The following FMNL2 variants were observed in gnomAD, a reference collection of about 807,000 sequenced individuals.
FMNL2 encodes the protein formin-like protein 2.
In FMNL2, 51 loss-of-function variants were observed where a neutral mutation model predicts 130.2. The observed-to-expected ratio is 0.39, with a 90% CI of 0.31 to 0.49. FMNL2 has a LOEUF of 0.49. Ranked by LOEUF, FMNL2 falls within the 20% of genes least tolerant of loss-of-function variation. The probability of loss-of-function intolerance (pLI) is 0.85; values close to 1 mark genes in which losing one functional copy is unlikely to be tolerated. For synonymous variants in FMNL2, 465 were observed against 467.1 expected (o/e 1.00, Z 0.06); for missense variants, 977 against 1,316.2 (o/e 0.74, Z 3.99).
chr2:152,503,253 T>G (rs1400961621), intron 1 of FMNL2, among the ~76,000 whole-genome samples: 9 of 151,556 alleles, frequency 5.9e-5, no homozygotes. Context: ...AGGAGTGGAG[T>G]GGAGGTCAGT....
chr2:152,375,877 C>CTCTCTATATATATA lies in FMNL2; in HGVS notation c.117+40158_117+40159insCTCTATATATATAT, dbSNP rs796954245. ...TCTCTCTCTCTCTCTCTCTCTCTCTCTATATATATATATATATATAATTAT... is the reference window on the plus strand; with the variant it reads ...TCTCTCTCTCTCTCTCTCTCTCTCTCTCTCTATATATATATATATATATATATATATATAATTAT... On this transcript the variant is annotated intron_variant, in intron 1 of 25. Coordinates refer to ENST00000288670, the MANE Select transcript of FMNL2 (RefSeq NM_052905.4). 2.4e-3 allele frequency among the ~76,000 whole-genome samples: 273 copies of CTCTCTATATATATA among 112,408 alleles called. 6 individuals carry two copies. Among genetic ancestry groups the CTCTCTATATATATA allele is most frequent in the Admixed American group, 0.022 (211 of 9,744 alleles). The allele number at this position is 112,408 out of a possible 152,430, so 73.7% of individuals were successfully genotyped here.
intron 1 of FMNL2, among the ~76,000 whole-genome samples, chr2:152,408,689 C>G (rs1459824353): frequency 1.3e-5 from 2 of 152,090 alleles, no homozygotes; most frequent in Admixed American, 6.5e-5. Context: ...CCTAGACTAC[C>G]TTAAACATGC....
chr2:152,598,473 G>T (rs1403636716), intron 9 of FMNL2, among the ~76,000 whole-genome samples: 1 of 152,150 alleles, frequency 6.6e-6, no homozygotes, highest in African/African-American at 2.4e-5. Flanking sequence ...TGGATCACTT[G>T]AGGCCAGGAG....
At chr2:152,363,938 A>G (rs6433990) in intron 1 of FMNL2, among the ~76,000 whole-genome samples, 101,394 of 151,986 alleles carry the variant, frequency 0.67, 35,949 homozygotes, top group Admixed American at 0.8. Context: ...TTGCTATAGC[A>G]GACCCCAAAT....
In FMNL2 at chr2:152,538,238, G is replaced by A. The variant is rs371523805; in HGVS notation, c.202-4501G>A. The stretch of plus-strand genomic sequence containing the variant: ...ACCAGTTCAGGGAAGAGGAAGAGGA[G>A]GATTAAAATTCATTATCTGGAATAT... On this transcript the variant is annotated intron_variant, in intron 2 of 25. Transcript: ENST00000288670. 1.8e-4 allele frequency among the ~76,000 whole-genome samples: 27 copies of A among 151,778 alleles called. No individual in the cohort carries two copies. In the South Asian group the frequency reaches 5.6e-3, roughly 32 times the overall value.
At chr2:152,573,032 T>C (rs1301200856) in intron 6 of FMNL2, among the ~76,000 whole-genome samples, 1 of 152,162 alleles carries the variant, frequency 6.6e-6, no homozygotes, top group Non-Finnish European at 1.5e-5. Context: ...TTTCTCAGGG[T>C]GCATTTATTT....
At position 152,477,521 on chromosome 2, in the gene FMNL2, T is replaced by A. The variant is rs201300448; in HGVS notation, c.118-44422T>A. Among the ~76,000 whole-genome samples, 6 of 152,310 alleles carry A rather than the reference T, an allele frequency of 3.9e-5. No individual in the cohort carries two copies. The East Asian group carries it at 1.2e-3, about 29-fold the overall frequency. ...GATTTCCTGTCAGCTCTGATTGCTG[T>A]AGATCCTGGATGATGACAAATTGGT... On this transcript the variant is annotated intron_variant, in intron 1 of 25. Transcript: ENST00000288670.
chr2:152,500,732 T>C (rs1046014663), intron 1 of FMNL2, among the ~76,000 whole-genome samples: 3 of 152,026 alleles, frequency 2.0e-5, no homozygotes, highest in African/African-American at 4.8e-5. Flanking sequence ...CCTGTAATTC[T>C]AGCTACTCGG....
intron 1 of FMNL2, among the ~76,000 whole-genome samples, chr2:152,345,465 A>G (rs1682063293): frequency 6.6e-6 from 1 of 152,254 alleles, no homozygotes; most frequent in Non-Finnish European, 1.5e-5. Context: ...AGTTTTGCCC[A>G]GTGAGTTCAG....
chr2:152,431,729 G>A (rs147433803), intron 1 of FMNL2, among the ~76,000 whole-genome samples: 4 of 152,224 alleles, frequency 2.6e-5, no homozygotes, highest in African/African-American at 7.2e-5. Context: ...ACTTTGGGAG[G>A]CTGAGGCAGG....
At chr2:152,467,820 A>C (rs1203674207) in intron 1 of FMNL2, among the ~76,000 whole-genome samples, 5 of 152,292 alleles carry the variant, frequency 3.3e-5, no homozygotes, top group Middle Eastern at 3.4e-3. Context: ...ACATTTGTTT[A>C]TTGAGTTCTT....
At chr2:152,599,487 A>G (rs1697944078) in intron 9 of FMNL2, among the ~76,000 whole-genome samples, 1 of 125,598 alleles carries the variant, frequency 8.0e-6, no homozygotes, top group Non-Finnish European at 1.6e-5. Context: ...TGCGTCAATG[A>G]GTCGTCCTTT....
intron 1 of FMNL2, among the ~76,000 whole-genome samples, chr2:152,385,963 A>G (rs1239372346): frequency 6.6e-6 from 1 of 152,184 alleles, no homozygotes; most frequent in African/African-American, 2.4e-5. Context: ...TCTCCTGGAT[A>G]TGCTGTCTGC....
intron 1 of FMNL2, among the ~76,000 whole-genome samples, chr2:152,421,531 GAA>G (rs1491519201): frequency 3.9e-5 from 6 of 152,186 alleles, no homozygotes; most frequent in Admixed American, 2.0e-4. Context: ...CTTACTATGT[GAA>G]ATGCACAGAC....
chr2:152,501,140 T>C (rs1241548984), intron 1 of FMNL2, among the ~76,000 whole-genome samples: 1 of 152,258 alleles, frequency 6.6e-6, no homozygotes, highest in Non-Finnish European at 1.5e-5. Flanking sequence ...TTTGTGCCCT[T>C]ATGCCCTGAA....
chr2:152,525,544 G>C (rs1693342041), intron 2 of FMNL2, among the ~76,000 whole-genome samples: 1 of 152,174 alleles, frequency 6.6e-6, no homozygotes. Context: ...CTGTTGCTTT[G>C]CATAGTAGCC....
intron 9 of FMNL2, among the ~76,000 whole-genome samples, chr2:152,594,910 T>C (rs957351871): frequency 1.3e-5 from 2 of 152,216 alleles, no homozygotes; most frequent in African/African-American, 4.8e-5. Flanking sequence ...CAGTGGTTCC[T>C]ACTTATGGTC....
At chr2:152,490,042 T>C (rs1691058409) in intron 1 of FMNL2, among the ~76,000 whole-genome samples, 1 of 152,130 alleles carries the variant, frequency 6.6e-6, no homozygotes, top group African/African-American at 2.4e-5. Flanking sequence ...GCAAAGAAAA[T>C]TTGTAGCTGA....
chr2:152,560,543 C>T (rs971977053), intron 5 of FMNL2, among the ~76,000 whole-genome samples: 16 of 152,158 alleles, frequency 1.1e-4, no homozygotes, highest in Admixed American at 5.9e-4. Flanking sequence ...AAAATGAAGA[C>T]AGCTGTAAGA....
Sources: gnomAD v4.1 joint callset for allele counts (sites outside exome capture counted in the v4.1 genomes callset) on GRCh38, gnomAD v4.1.1 for gene constraint, MANE v1.5 for transcripts, NCBI Gene and HGNC (gene_info 2026-07-23, HGNC 2026-07-21) for gene names.